Variants in TRIM36 observed in about 807,000 individuals in gnomAD.
The protein encoded by TRIM36 is E3 ubiquitin-protein ligase TRIM36.
TRIM36 carries 42 observed loss-of-function variants against 72.4 expected under a neutral mutation model. That is an observed-to-expected ratio of 0.58 (90% CI 0.45 to 0.75). The LOEUF (loss-of-function observed/expected upper bound fraction) is 0.75, where lower values mean the gene tolerates loss of function less well. TRIM36 is among the 30% of genes least tolerant of loss of function. The pLI, the probability that TRIM36 is intolerant of heterozygous loss-of-function variation, is 0.00. For missense variants in TRIM36, 913 were observed against 857.1 expected, an observed-to-expected ratio of 1.07 and a Z score of -0.81; for synonymous variants, 315 against 282.8, an observed-to-expected ratio of 1.11 and a Z score of -1.14.
intron 1 of TRIM36, 27 bp downstream of exon 1, chr5:115,169,581 G>C (rs547588013): frequency 1.0e-5 from 15 of 1,506,074 alleles, no homozygotes; most frequent in Non-Finnish European, 1.3e-5. Context: ...CCCTCGAGGT[G>C]GGGGCGGCGG....
chr5:115,154,235 G>C (rs1021624168), intron 2 of TRIM36, among the ~76,000 whole-genome samples: 1 of 151,904 alleles, frequency 6.6e-6, no homozygotes, highest in Non-Finnish European at 1.5e-5. Context: ...GAAAAAGTCT[G>C]AAAGAGCACC....
Position 115,129,983 on chromosome 5 carries a change from T to TTTATATAA in TRIM36, c.1796+608_1796+609insTTATATAA, listed in dbSNP as rs1301482999. ...TTTACTGTTAAAATTTTCAGCATTA[T>TTTATATAA]ATAAATTTTTTATCTTTCTGAAGAA... On this transcript the variant is annotated intron_variant, in intron 9 of 9. Coordinates refer to ENST00000513154, the MANE Select transcript of TRIM36 (RefSeq NM_001300759.2). Among the ~76,000 whole-genome samples the TTTATATAA allele has an allele frequency of 2.0e-5, 3 of 152,358 alleles. No homozygotes were observed. In the East Asian group the frequency reaches 5.8e-4, roughly 29 times the overall value.
At chr5:115,179,786 C>T (rs183798475) in intron 1 of TRIM36, among the ~76,000 whole-genome samples, 7 of 152,370 alleles carry the variant, frequency 4.6e-5, no homozygotes, top group Non-Finnish European at 7.3e-5. Flanking sequence ...AGAGATGCCA[C>T]GCAATAAAGA....
chr5:115,171,887 A>G (rs116250578), upstream of TRIM36, among the ~76,000 whole-genome samples: 1 of 152,340 alleles, frequency 6.6e-6, no homozygotes, highest in African/African-American at 2.4e-5. Context: ...CACAGGTTTT[A>G]GTTGTGTGAG....
chr5:115,128,624 C>T (rs1230352564), intron 9 of TRIM36, among the ~76,000 whole-genome samples: 2 of 144,242 alleles, frequency 1.4e-5, no homozygotes, highest in Non-Finnish European at 1.5e-5. Flanking sequence ...CGGTGGCGGG[C>T]GCCTGTAGTC....
intron 2 of TRIM36, 113 bp downstream of exon 2, chr5:115,163,405 C>G: frequency 1.2e-6 from 1 of 863,912 alleles, no homozygotes; most frequent in African/African-American, 1.7e-5. Context: ...ATTTATTCAC[C>G]TGGAAAAATT....
chr5:115,169,424 G>C (rs1330621054), intron 1 of TRIM36, among the ~76,000 whole-genome samples, 184 bp downstream of exon 1: 1 of 152,352 alleles, frequency 6.6e-6, no homozygotes, highest in Non-Finnish European at 1.5e-5. Flanking sequence ...GATAGAAAGG[G>C]GACGCCCCGG....
At chr5:115,139,919 G>A (rs1753185480) in intron 5 of TRIM36, among the ~76,000 whole-genome samples, 1 of 152,164 alleles carries the variant, frequency 6.6e-6, no homozygotes, top group Non-Finnish European at 1.5e-5. Flanking sequence ...CATTTCAGAA[G>A]TGAAGAGCAG....
chr5:115,135,451 T>C (rs567493163), intron 7 of TRIM36, among the ~76,000 whole-genome samples: 1 of 151,614 alleles, frequency 6.6e-6, no homozygotes, highest in East Asian at 1.9e-4. Flanking sequence ...CATACTCTTT[T>C]TCTTTCTTTT....
At chr5:115,128,705 T>C (rs1287131171) in intron 9 of TRIM36, among the ~76,000 whole-genome samples, 4 of 120,398 alleles carry the variant, frequency 3.3e-5, no homozygotes, top group Non-Finnish European at 4.9e-5. Flanking sequence ...TGAGCTGAGA[T>C]TGCGCCACTG....
intron 2 of TRIM36, among the ~76,000 whole-genome samples, chr5:115,151,111 C>T (rs1753869349): frequency 6.6e-6 from 1 of 152,200 alleles, no homozygotes; most frequent in Non-Finnish European, 1.5e-5. Context: ...GCTTTTGCAG[C>T]TGGGAGGCGG....
At chr5:115,145,143 T>C (rs1457668667) in intron 3 of TRIM36, among the ~76,000 whole-genome samples, 1 of 152,194 alleles carries the variant, frequency 6.6e-6, no homozygotes, top group Non-Finnish European at 1.5e-5. Flanking sequence ...TCAAAGTCAA[T>C]ATTTTTAATG....
intron 1 of TRIM36, among the ~76,000 whole-genome samples, chr5:115,168,592 C>G (rs1561448486): frequency 6.6e-6 from 1 of 152,232 alleles, no homozygotes; most frequent in Non-Finnish European, 1.5e-5. Flanking sequence ...TTAGAGCCAA[C>G]TGGTTTTATC....
intron 2 of TRIM36, among the ~76,000 whole-genome samples, chr5:115,155,144 G>A (rs542351130): frequency 3.9e-5 from 6 of 152,256 alleles, no homozygotes; most frequent in South Asian, 2.1e-4. Context: ...AGCCAAGATC[G>A]TGCTGTTGCA....
In TRIM36 at chr5:115,163,593, T is replaced by C. The variant is rs1194966694; in HGVS notation, c.187A>G (p.Asn63Asp). The part of the protein sequence containing the change: ...DDSFNDVGSD[N>D]SNQSSPRLRL... ...AGTCGAGGACTGCTTTGATTGGAGTTGTCTGATCCCACATCGTTGAATGAA... is the reference window on the plus strand; with the variant it reads ...AGTCGAGGACTGCTTTGATTGGAGTCGTCTGATCCCACATCGTTGAATGAA... The change falls in exon 2 of 10, where the codon AAC becomes GAC. Residue 63 changes from asparagine (N) to aspartate (D), a missense_variant. Physicochemically the swap from Asn to Asp is conservative, Grantham distance 23. Coordinates refer to ENST00000513154, the MANE Select transcript of TRIM36 (RefSeq NM_001300759.2). 1.2e-6 allele frequency: 2 copies of C among 1,614,056 alleles called. No individual in the cohort carries two copies. The highest frequency in any genetic ancestry group is 1.7e-6 in the Non-Finnish European group (2 of 1,180,040).
upstream of TRIM36, chr5:115,169,983 C>T: frequency 8.8e-7 from 1 of 1,130,744 alleles, no homozygotes. Flanking sequence ...TGGTCGTTGC[C>T]CAGGCAACAG....
intron 1 of TRIM36, 80 bp downstream of exon 1, chr5:115,169,528 G>A (rs1233247267): frequency 1.4e-6 from 2 of 1,427,460 alleles, no homozygotes; most frequent in Non-Finnish European, 1.9e-6. Context: ...CTCCCTCCGG[G>A]CTCCCGGCGG....
chr5:115,172,926 T>C (rs535658645), upstream of TRIM36, among the ~76,000 whole-genome samples: 1 of 152,352 alleles, frequency 6.6e-6, no homozygotes, highest in Middle Eastern at 3.4e-3. Context: ...CATTGTATTA[T>C]CTTTCCATCT....
intron 2 of TRIM36, among the ~76,000 whole-genome samples, chr5:115,152,010 C>G (rs939146378): frequency 2.0e-5 from 3 of 151,992 alleles, no homozygotes; most frequent in African/African-American, 7.3e-5. Context: ...AGCAAGGGAC[C>G]CAAACAAGAA....
Sources: gnomAD v4.1 joint callset for allele counts (sites outside exome capture counted in the v4.1 genomes callset) on GRCh38, gnomAD v4.1.1 for gene constraint, MANE v1.5 for transcripts, NCBI Gene and HGNC (gene_info 2026-07-23, HGNC 2026-07-21) for gene names.